The following OSBPL9 variants were observed in gnomAD, a reference collection of about 807,000 sequenced individuals.
OSBPL9 encodes oxysterol binding protein like 9.
Under a neutral mutation model 106.6 loss-of-function variants are expected in OSBPL9, and 40 were observed. That is an observed-to-expected ratio of 0.38 (90% CI 0.29 to 0.49). OSBPL9 has a LOEUF of 0.49. OSBPL9 is among the 20% of genes least tolerant of loss of function. The pLI is 0.97. For missense variants in OSBPL9, 609 were observed against 887.2 expected, an observed-to-expected ratio of 0.69 and a Z score of 3.98; for synonymous variants, 269 against 295.4, an observed-to-expected ratio of 0.91 and a Z score of 0.92.
the OSBPL9 span, among the ~76,000 whole-genome samples, chr1:51,522,723 T>G: frequency 6.6e-6 from 1 of 152,212 alleles, no homozygotes; most frequent in African/African-American, 2.4e-5. Context: ...ACTTAATGTC[T>G]CTGGGTCACT....
intron 1 of OSBPL9, among the ~76,000 whole-genome samples, chr1:51,595,165 G>A (rs538219905): frequency 3.9e-5 from 6 of 152,274 alleles, no homozygotes; most frequent in South Asian, 2.1e-4. Context: ...TGAGAGCGCC[G>A]GAGGACTGAG....
intron 2 of OSBPL9, among the ~76,000 whole-genome samples, chr1:51,607,017 T>C (rs901136766): frequency 6.6e-6 from 1 of 150,868 alleles, no homozygotes; most frequent in Non-Finnish European, 1.5e-5. Flanking sequence ...GCCACTGCAC[T>C]CCAGCCTGGG....
intron 2 of OSBPL9, among the ~76,000 whole-genome samples, chr1:51,661,311 G>A (rs927917143): frequency 6.6e-6 from 1 of 152,122 alleles, no homozygotes; most frequent in Non-Finnish European, 1.5e-5. Flanking sequence ...CCCCAAAATA[G>A]CCAGAATTTT....
At chr1:51,580,891 A>ATT (rs1491366043) in intron 1 of OSBPL9, among the ~76,000 whole-genome samples, 3 of 79,944 alleles carry the variant, frequency 3.8e-5, no homozygotes, top group Non-Finnish European at 7.1e-5. Flanking sequence ...CCTTCTAGCC[A>ATT]TTATATATAT....
At chr1:51,570,764 A>C in the OSBPL9 span, among the ~76,000 whole-genome samples, 1 of 152,194 alleles carries the variant, frequency 6.6e-6, no homozygotes, top group Non-Finnish European at 1.5e-5. Context: ...GAGATCTGAG[A>C]AGTACTTTGT....
chr1:51,646,836 C>T (rs1426408412), intron 1 of OSBPL9, among the ~76,000 whole-genome samples: 1 of 152,038 alleles, frequency 6.6e-6, no homozygotes, highest in African/African-American at 2.4e-5. Flanking sequence ...CACCCAGCCC[C>T]CTAGGATTTT....
chr1:51,767,138 A>T (rs980478901), intron 12 of OSBPL9, among the ~76,000 whole-genome samples: 3 of 152,088 alleles, frequency 2.0e-5, no homozygotes, highest in African/African-American at 7.2e-5. Context: ...TTATGCCCCT[A>T]ATCTCAGCAA....
At chr1:51,630,286 T>A (rs1645029261) in intron 1 of OSBPL9, among the ~76,000 whole-genome samples, 1 of 152,124 alleles carries the variant, frequency 6.6e-6, no homozygotes, top group Non-Finnish European at 1.5e-5. Flanking sequence ...CTCCCGGCGC[T>A]GGGTCAGGGA....
chr1:51,670,623 A>T (rs1488191961), intron 3 of OSBPL9, among the ~76,000 whole-genome samples: 5 of 152,194 alleles, frequency 3.3e-5, no homozygotes, highest in Non-Finnish European at 7.3e-5. Flanking sequence ...CTCAATAGTG[A>T]TATCTCTAAT....
intron 4 of OSBPL9, among the ~76,000 whole-genome samples, chr1:51,720,088 C>A (rs1661796536): frequency 1.3e-5 from 2 of 152,146 alleles, no homozygotes; most frequent in African/African-American, 4.8e-5. Context: ...AGTGTCACTT[C>A]TATGACAAGT....
chr1:51,707,612 G>T, intron 3 of OSBPL9: 1 of 187,458 alleles, frequency 5.3e-6, no homozygotes, highest in East Asian at 1.3e-4. Flanking sequence ...ATGGCATGGA[G>T]TGTGGTTATG....
intron 1 of OSBPL9, among the ~76,000 whole-genome samples, chr1:51,592,899 T>C (rs1645283914): frequency 6.6e-6 from 1 of 152,224 alleles, no homozygotes; most frequent in Non-Finnish European, 1.5e-5. Context: ...GGAGGGATTA[T>C]GGTGTGAGTA....
At chr1:51,733,880 G>A (rs1571402986) in intron 4 of OSBPL9, among the ~76,000 whole-genome samples, 1 of 152,080 alleles carries the variant, frequency 6.6e-6, no homozygotes, top group Non-Finnish European at 1.5e-5. Context: ...ATAGTAGTAC[G>A]AGTACTAATT....
At chr1:51,669,855 G>T (rs747609280) in intron 3 of OSBPL9, 8 of 479,458 alleles carry the variant, frequency 1.7e-5, no homozygotes, top group South Asian at 1.1e-4. Flanking sequence ...TTCTGCTTCT[G>T]CATGAAGAGT....
At chr1:51,535,730 T>C in the OSBPL9 span, among the ~76,000 whole-genome samples, 1 of 151,946 alleles carries the variant, frequency 6.6e-6, no homozygotes, top group Non-Finnish European at 1.5e-5. Flanking sequence ...CTAATTTTTA[T>C]ATTTTTAGTA....
At chr1:51,651,376 G>A (rs1646505984) in intron 1 of OSBPL9, among the ~76,000 whole-genome samples, 1 of 152,120 alleles carries the variant, frequency 6.6e-6, no homozygotes, top group South Asian at 2.1e-4. Context: ...GCCGAGGTGG[G>A]TGGATCACCT....
intron 15 of OSBPL9, 47 bp downstream of exon 15, chr1:51,776,965 A>G (rs376181774): frequency 2.8e-6 from 4 of 1,409,058 alleles, no homozygotes; most frequent in Non-Finnish European, 4.0e-6. Context: ...GATGTTACTC[A>G]GCAGCTTTCT....
intron 7 of OSBPL9, among the ~76,000 whole-genome samples, chr1:51,749,314 T>C (rs948575168): frequency 6.6e-6 from 1 of 152,050 alleles, no homozygotes; most frequent in Non-Finnish European, 1.5e-5. Context: ...CATCAAAGTC[T>C]TTTTATTTTT....
At chr1:51,657,636 C>T (rs1444022587) in intron 2 of OSBPL9, among the ~76,000 whole-genome samples, 1 of 152,144 alleles carries the variant, frequency 6.6e-6, no homozygotes, top group African/African-American at 2.4e-5. Flanking sequence ...AGTGAAAAAC[C>T]TTCTTTGTGT....
Sources: allele counts gnomAD v4.1 joint callset (sites outside exome capture counted in the v4.1 genomes callset), GRCh38; gene constraint gnomAD v4.1.1; transcripts MANE v1.5; gene names NCBI Gene and HGNC (gene_info 2026-07-23, HGNC 2026-07-21).